TBC1D31: variants seen among roughly 807,000 people sequenced by gnomAD.
TBC1D31 encodes TBC1 domain family member 31, also known as WD repeat domain 67.
A neutral mutation model predicts 132.9 loss-of-function variants in TBC1D31; 99 were observed. The observed-to-expected ratio is 0.74, with a 90% CI of 0.63 to 0.88. The LOEUF is 0.88. Ranked by LOEUF, TBC1D31 falls within the 40% of genes least tolerant of loss-of-function variation. The pLI is 0.00. For synonymous variants in TBC1D31, 385 were observed against 419.4 expected (o/e 0.92, Z 1.00); for missense variants, 1,134 against 1,256.6 (o/e 0.90, Z 1.48).
intron 19 of TBC1D31, among the ~76,000 whole-genome samples, chr8:123,144,170 T>G (rs1042430504): frequency 2.6e-5 from 4 of 152,232 alleles, no homozygotes; most frequent in Non-Finnish European, 5.9e-5. Flanking sequence ...TTCGGCAAAC[T>G]TTAGGAGTTG....
chr8:123,095,784 A>G (rs989800103), intron 5 of TBC1D31, among the ~76,000 whole-genome samples: 23 of 152,144 alleles, frequency 1.5e-4, no homozygotes, highest in Non-Finnish European at 8.8e-5. Context: ...CCATTTCTCT[A>G]AAGAGTCTGG....
intron 15 of TBC1D31, 47 bp from the exon 16 acceptor site, chr8:123,130,151 A>G (rs1332774943): frequency 6.4e-7 from 1 of 1,564,392 alleles, no homozygotes; most frequent in East Asian, 2.3e-5. Context: ...ACTAAATCAT[A>G]TTAGGAATTG....
intron 8 of TBC1D31, among the ~76,000 whole-genome samples, chr8:123,108,640 T>G (rs1367069409): frequency 6.6e-6 from 1 of 152,268 alleles, no homozygotes; most frequent in East Asian, 1.9e-4. Context: ...AATATATAAT[T>G]TTGATTTTTC....
At chr8:123,120,015 T>G (rs1470224447) in intron 10 of TBC1D31, 40 bp from the exon 11 acceptor site, 1 of 1,476,840 alleles carries the variant, frequency 6.8e-7, no homozygotes, top group Non-Finnish European at 9.1e-7. Context: ...AGATATTATT[T>G]ATTCAAATAA....
intron 19 of TBC1D31, among the ~76,000 whole-genome samples, chr8:123,143,661 C>G (rs1272039941): frequency 6.6e-6 from 1 of 152,134 alleles, no homozygotes; most frequent in Non-Finnish European, 1.5e-5. Flanking sequence ...CATTTTCCTC[C>G]TACCCCATCC....
chr8:123,154,619 C>A (rs947643937), downstream of TBC1D31, among the ~76,000 whole-genome samples: 3 of 152,332 alleles, frequency 2.0e-5, no homozygotes, highest in East Asian at 5.8e-4. Context: ...CAAGAAACCA[C>A]CCTCAGGCAC....
intron 11 of TBC1D31, among the ~76,000 whole-genome samples, chr8:123,120,628 C>T (rs541805791): frequency 2.6e-5 from 4 of 152,204 alleles, no homozygotes; most frequent in African/African-American, 7.2e-5. Flanking sequence ...GCTGAGATTG[C>T]TCTACAGCAC....
Position 123,093,749 on chromosome 8 carries a change from T to C in TBC1D31, c.671+7T>C, listed in dbSNP as rs2130176898. On this transcript the variant is annotated splice_region_variant and intron_variant, in intron 5 of 21. Transcript: ENST00000287380. ...AAGTGTTTGCTGTAACCAGGTAATG[T>C]GCATTTTAAGACACTAGGAATATTT... is the stretch of plus-strand genomic sequence containing the variant. 1 of 1,549,142 alleles carries C rather than the reference T, an allele frequency of 6.5e-7. No individual in the cohort carries two copies. Among genetic ancestry groups the C allele is most frequent in the Non-Finnish European group, 8.8e-7 (1 of 1,140,462 alleles).
chr8:123,106,802 A>G (rs946552743), intron 8 of TBC1D31, among the ~76,000 whole-genome samples: 5 of 152,240 alleles, frequency 3.3e-5, no homozygotes, highest in African/African-American at 1.2e-4. Context: ...CTCAGCATGT[A>G]GCCATATTCA....
chr8:123,160,217 A>G, the TBC1D31 span, among the ~76,000 whole-genome samples: 19 of 152,092 alleles, frequency 1.2e-4, no homozygotes, highest in Non-Finnish European at 2.4e-4. Flanking sequence ...AGTTCTGAGG[A>G]GTACTAGTCG....
intron 5 of TBC1D31, 144 bp from the exon 6 acceptor site, chr8:123,097,138 G>A: frequency 1.5e-6 from 1 of 686,728 alleles, no homozygotes; most frequent in East Asian, 2.8e-5. Flanking sequence ...CACATTTCAA[G>A]TGCTCAATAA....
chr8:123,105,605 A>T lies in TBC1D31; in HGVS notation c.1209+141A>T, dbSNP rs963309327. 38 of 772,664 alleles carry T rather than the reference A, an allele frequency of 4.9e-5. No individual in the cohort carries two copies. The East Asian group carries it at 1.1e-3, about 22-fold the overall frequency. 47.9% of individuals were successfully genotyped at this position (772,664 alleles called of 1,614,324 possible). A position where few individuals can be genotyped will look rare whatever the true frequency, so the allele number is the denominator to read the frequency against. On this transcript the variant is annotated intron_variant, in intron 8 of 21. Coordinates refer to ENST00000287380, the MANE Select transcript of TBC1D31 (RefSeq NM_145647.4). ...AGAGAATAAAGTTGTAACCTAAATT[A>T]TGCACAGGCTGGTCTCAATCCTGGC...
At chr8:123,157,373 C>T in the TBC1D31 span, among the ~76,000 whole-genome samples, 2 of 152,128 alleles carry the variant, frequency 1.3e-5, no homozygotes, top group East Asian at 1.9e-4. Context: ...CCCACTTTTA[C>T]TTTTACTGCT....
At chr8:123,150,003 A>C (rs764192839) in intron 20 of TBC1D31, 33 bp from the exon 21 acceptor site, 1 of 1,546,008 alleles carries the variant, frequency 6.5e-7, no homozygotes, top group African/African-American at 1.4e-5. Context: ...CTCACTCCCA[A>C]ACATCATCTT....
At chr8:123,127,261 A>ATTTTTTTTTTTTTTTTTTTTTTTT (rs35198781) in intron 13 of TBC1D31, among the ~76,000 whole-genome samples, 2 of 69,924 alleles carry the variant, frequency 2.9e-5, no homozygotes, top group African/African-American at 1.2e-4. Flanking sequence ...TGCTTTTTGC[A>ATTTTTTTTTTTTTTTTTTTTTTTT]TTTTTTTTTT....
chr8:123,126,991 G>A (rs935623637), intron 13 of TBC1D31, among the ~76,000 whole-genome samples: 1 of 151,966 alleles, frequency 6.6e-6, no homozygotes, highest in Non-Finnish European at 1.5e-5. Flanking sequence ...CACCCACCTC[G>A]GCCTCCCAAA....
chr8:123,153,315 T>C (rs1165311884), downstream of TBC1D31, among the ~76,000 whole-genome samples: 2 of 152,324 alleles, frequency 1.3e-5, no homozygotes, highest in South Asian at 2.1e-4. Context: ...TTTACCTCTA[T>C]TTCAGGTCCT....
intron 2 of TBC1D31, among the ~76,000 whole-genome samples, chr8:123,080,710 G>A (rs1815061326): frequency 6.6e-6 from 1 of 151,584 alleles, no homozygotes; most frequent in African/African-American, 2.4e-5. Context: ...CTAATTTTTT[G>A]TATTTTAGTA....
chr8:123,139,118 G>GC (rs1554621864), intron 17 of TBC1D31, among the ~76,000 whole-genome samples: 1 of 139,440 alleles, frequency 7.2e-6, no homozygotes, highest in Non-Finnish European at 1.6e-5. Flanking sequence ...CATATTTCTT[G>GC]TTTTTTTTTT....
Sources: gnomAD v4.1 joint callset for allele counts (sites outside exome capture counted in the v4.1 genomes callset) on GRCh38, gnomAD v4.1.1 for gene constraint, MANE v1.5 for transcripts, NCBI Gene and HGNC (gene_info 2026-07-23, HGNC 2026-07-21) for gene names.